CDK19: variants seen among roughly 807,000 people sequenced by gnomAD.
CDK19 encodes cyclin-dependent kinase 19.
CDK19 carries 20 observed loss-of-function variants against 68.3 expected under a neutral mutation model. The observed-to-expected ratio is 0.29, with a 90% CI of 0.21 to 0.43. The LOEUF (loss-of-function observed/expected upper bound fraction) is 0.43, where lower values mean the gene tolerates loss of function less well. Ranked by LOEUF, CDK19 falls within the 20% of genes least tolerant of loss-of-function variation. CDK19 has a pLI of 1.00. For missense variants in CDK19, 339 were observed against 623.5 expected (o/e 0.54, Z 4.86); for synonymous variants, 221 against 222.8 (o/e 0.99, Z 0.07).
rs1201742669 is a variant in CDK19 at position 110,612,172 on chromosome 6, T to C, written c.*2363A>G. 6.6e-6 allele frequency: 1 copy of C among 152,256 alleles called. No homozygotes were observed. The highest frequency in any genetic ancestry group is 2.4e-5 in the African/African-American group (1 of 41,474). The allele number at this position is 152,256 out of a possible 1,614,324, so 9.4% of individuals were successfully genotyped here. Reference sequence around the variant, plus strand: ...ATCTATCTGGGTTTGTCTTCTTTTATTAAAGGTAACCTCCTTGAGAGCAAG... The same window carrying C: ...ATCTATCTGGGTTTGTCTTCTTTTACTAAAGGTAACCTCCTTGAGAGCAAG... On this transcript the variant is annotated 3_prime_UTR_variant, in exon 13 of 13. Transcript: ENST00000368911.
At chr6:110,736,233 C>G (rs780767866) in intron 2 of CDK19, among the ~76,000 whole-genome samples, 1 of 152,056 alleles carries the variant, frequency 6.6e-6, no homozygotes, top group Admixed American at 6.6e-5. Context: ...GCCAGCTACT[C>G]GGGAGGCTGA....
At chr6:110,795,967 A>G (rs1281464784) in intron 1 of CDK19, among the ~76,000 whole-genome samples, 1 of 152,228 alleles carries the variant, frequency 6.6e-6, no homozygotes, top group Non-Finnish European at 1.5e-5. Context: ...GAAATACCTA[A>G]TGATTCCATT....
chr6:110,631,867 A>T (rs1020819111), intron 6 of CDK19, among the ~76,000 whole-genome samples, 163 bp downstream of exon 6: 1 of 152,250 alleles, frequency 6.6e-6, no homozygotes, highest in Non-Finnish European at 1.5e-5. Flanking sequence ...ATTCTCCTAT[A>T]CAGTTAACAA....
chr6:110,728,467 C>G (rs1458075974), intron 2 of CDK19, among the ~76,000 whole-genome samples: 4 of 151,992 alleles, frequency 2.6e-5, no homozygotes, highest in Non-Finnish European at 4.4e-5. Flanking sequence ...TTTTCCACTT[C>G]TGTCTATCTT....
chr6:110,674,075 T>G lies in CDK19; in HGVS notation c.205-3534A>C, dbSNP rs147548802. ...CACATTTTGGTAATTCTTACAACAT[T>G]TAAAACTTTTTCAGTATTATATCTG... On this transcript the variant is annotated intron_variant, in intron 2 of 12. Transcript: ENST00000368911. 2.4e-3 allele frequency among the ~76,000 whole-genome samples: 370 copies of G among 152,348 alleles called. 5 individuals carry two copies. Among genetic ancestry groups the G allele is most frequent in the Admixed American group, 0.022 (330 of 15,302 alleles).
chr6:110,787,822 G>A (rs1049917543), intron 1 of CDK19, among the ~76,000 whole-genome samples: 1 of 151,720 alleles, frequency 6.6e-6, no homozygotes, highest in African/African-American at 2.4e-5. Context: ...TATCTTGACT[G>A]GGTTTTGCGG....
Position 110,613,989 on chromosome 6 carries a change from CG to C in CDK19, c.*545del, listed in dbSNP as rs2114546794. On this transcript the variant is annotated 3_prime_UTR_variant, in exon 13 of 13. Transcript: ENST00000368911. ...TTCCCTGAAACTAGATAAATACGAA[CG>C]TAATAGTAAAGTACTTTGGGACAGT... 2.0e-5 allele frequency: 3 copies of C among 152,666 alleles called. No individual in the cohort carries two copies. Among genetic ancestry groups the C allele is most frequent in the African/African-American group, 7.2e-5 (3 of 41,512 alleles). The allele number at this position is 152,666 out of a possible 1,614,324, so 9.5% of individuals were successfully genotyped here. A position where few individuals can be genotyped will look rare whatever the true frequency, so the allele number is the denominator to read the frequency against.
chr6:110,654,292 A>AC (rs1385502201), intron 4 of CDK19, among the ~76,000 whole-genome samples: 1 of 152,224 alleles, frequency 6.6e-6, no homozygotes, highest in Non-Finnish European at 1.5e-5. Context: ...GCAAAGAACT[A>AC]CCTAAGAGTA....
intron 1 of CDK19, among the ~76,000 whole-genome samples, chr6:110,795,558 T>C (rs1386497990): frequency 6.6e-6 from 1 of 152,208 alleles, no homozygotes; most frequent in Non-Finnish European, 1.5e-5. Flanking sequence ...TTTTATATAT[T>C]GTTAGTAGTA....
chr6:110,666,780 C>T (rs905112264), intron 4 of CDK19, among the ~76,000 whole-genome samples: 3 of 152,090 alleles, frequency 2.0e-5, no homozygotes, highest in Non-Finnish European at 4.4e-5. Flanking sequence ...ACAGCTATTC[C>T]ATAACCATAT....
intron 1 of CDK19, among the ~76,000 whole-genome samples, chr6:110,799,151 A>T (rs962276546): frequency 6.8e-6 from 1 of 147,720 alleles, no homozygotes; most frequent in African/African-American, 2.5e-5. Flanking sequence ...ATTTAAAAAA[A>T]AAAAAAAAAA....
At chr6:110,779,484 T>C (rs802658) in intron 1 of CDK19, among the ~76,000 whole-genome samples, 43,564 of 152,020 alleles carry the variant, frequency 0.29, 6,935 homozygotes, top group East Asian at 0.68. Flanking sequence ...AAGTGAAAGG[T>C]CTTGAGGATA....
chr6:110,655,510 A>G (rs1781256759), intron 4 of CDK19, among the ~76,000 whole-genome samples: 1 of 152,162 alleles, frequency 6.6e-6, no homozygotes, highest in East Asian at 1.9e-4. Context: ...CAACTTGTCC[A>G]AACTAAATTT....
Position 110,626,997 on chromosome 6 carries a change from A to G in CDK19, c.790+5T>C. 6.3e-7 allele frequency: 1 copy of G among 1,596,798 alleles called. No homozygotes were observed. The highest frequency in any genetic ancestry group is 2.2e-5 in the East Asian group (1 of 44,638). ...AATATGACTTTAAAAAGGAAAATAAATTACCTGCAGGAAACCCCATGACAC... is the reference window on the plus strand; with the variant it reads ...AATATGACTTTAAAAAGGAAAATAAGTTACCTGCAGGAAACCCCATGACAC... On this transcript the variant is annotated splice_donor_5th_base_variant and intron_variant, in intron 7 of 12. Coordinates refer to ENST00000368911, the MANE Select transcript of CDK19 (RefSeq NM_015076.5).
intron 1 of CDK19, among the ~76,000 whole-genome samples, chr6:110,792,118 G>A (rs1049358719): frequency 1.3e-5 from 2 of 151,380 alleles, no homozygotes; most frequent in Admixed American, 6.6e-5. Context: ...CTATAGGCAC[G>A]TGCCACTATG....
intron 1 of CDK19, among the ~76,000 whole-genome samples, chr6:110,757,773 A>T (rs1450271997): frequency 6.6e-6 from 1 of 152,134 alleles, no homozygotes; most frequent in African/African-American, 2.4e-5. Context: ...TAACAATTGA[A>T]CCTAGGCATT....
chr6:110,612,129 TA>T lies in CDK19; in HGVS notation c.*2405del, dbSNP rs1778059781. 1 of 152,256 alleles carries T rather than the reference TA, an allele frequency of 6.6e-6. No individual in the cohort carries two copies. The highest frequency in any genetic ancestry group is 2.1e-4 in the South Asian group (1 of 4,836). 9.4% of individuals were successfully genotyped at this position (152,256 alleles called of 1,614,324 possible). A position where few individuals can be genotyped will look rare whatever the true frequency, so the allele number is the denominator to read the frequency against. Reference sequence around the variant, plus strand: ...GCTGCTTATAAAGTATTAAGGGGCATAGTATTTTGGTTTACATATCTATCTG... The same window carrying T: ...GCTGCTTATAAAGTATTAAGGGGCATGTATTTTGGTTTACATATCTATCTG... On this transcript the variant is annotated 3_prime_UTR_variant, in exon 13 of 13. Transcript: ENST00000368911.
chr6:110,700,265 A>T (rs1259128234), intron 2 of CDK19, among the ~76,000 whole-genome samples: 1 of 152,210 alleles, frequency 6.6e-6, no homozygotes, highest in Non-Finnish European at 1.5e-5. Context: ...TTATTTCATT[A>T]TATGTTACAA....
intron 1 of CDK19, among the ~76,000 whole-genome samples, chr6:110,781,931 T>TCACCC (rs56781094): frequency 0.34 from 51,421 of 151,366 alleles, 10,145 homozygotes; most frequent in East Asian, 0.68. Flanking sequence ...AGTGGCTCCC[T>TCACCC]CACCGCAATC....
Sources: gnomAD v4.1 joint callset for allele counts (sites outside exome capture counted in the v4.1 genomes callset) on GRCh38, gnomAD v4.1.1 for gene constraint, MANE v1.5 for transcripts, NCBI Gene and HGNC (gene_info 2026-07-23, HGNC 2026-07-21) for gene names.